Variants in ANKRD11 observed in about 807,000 individuals in gnomAD.
ANKRD11 encodes ankyrin repeat domain-containing protein 11.
In ANKRD11, 17 loss-of-function variants were observed where a neutral mutation model predicts 195.7. The ratio of observed to expected loss-of-function variants is 0.09; its 90% CI spans 0.06 to 0.13. The LOEUF (loss-of-function observed/expected upper bound fraction) is 0.13. Ranked by LOEUF, ANKRD11 falls within the 10% of genes least tolerant of loss-of-function variation. ANKRD11 has a pLI of 1.00. For synonymous variants in ANKRD11, 1,953 were observed against 1,528.1 expected (o/e 1.28, Z -6.49); for missense variants, 3,735 against 3,566.1 (o/e 1.05, Z -1.21).
intron 2 of ANKRD11, among the ~76,000 whole-genome samples, chr16:89,410,020 T>C (rs953488640): frequency 3.9e-5 from 6 of 152,100 alleles, no homozygotes; most frequent in Non-Finnish European, 7.4e-5. Context: ...TTTGTATTTT[T>C]AGTAGAGACG....
chr16:89,375,094 C>T (rs922194385), intron 2 of ANKRD11, among the ~76,000 whole-genome samples: 3 of 152,002 alleles, frequency 2.0e-5, no homozygotes, highest in Non-Finnish European at 2.9e-5. Context: ...ACAAACGTAA[C>T]GTCGCAGGCT....
Position 89,319,372 on chromosome 16 carries a change from G to A in ANKRD11, c.-59-2294C>T, listed in dbSNP as rs540546542. On this transcript the variant is annotated intron_variant, in intron 2 of 12. Transcript: ENST00000301030. ...GGATCTGGGAGTCCACTCAGGAGGT[G>A]GAGGAAGTGGGTCGCACCCACCAGG... 2.0e-4 allele frequency among the ~76,000 whole-genome samples: 30 copies of A among 152,352 alleles called. 1 individual carries two copies. The highest frequency in any genetic ancestry group is 7.0e-4 in the African/African-American group (29 of 41,588).
intron 1 of ANKRD11, among the ~76,000 whole-genome samples, chr16:89,440,982 A>G (rs1211262244): frequency 6.6e-6 from 1 of 152,218 alleles, no homozygotes; most frequent in Non-Finnish European, 1.5e-5. Context: ...TCACGCCTGT[A>G]ATCCCAGCAC....
chr16:89,405,404 G>C (rs1303681200), intron 2 of ANKRD11, among the ~76,000 whole-genome samples: 1 of 151,788 alleles, frequency 6.6e-6, no homozygotes, highest in African/African-American at 2.4e-5. Context: ...GCTCACCGTA[G>C]CCTCGACCTC....
intron 2 of ANKRD11, among the ~76,000 whole-genome samples, chr16:89,407,072 G>C (rs1022240529): frequency 6.6e-6 from 1 of 151,674 alleles, no homozygotes; most frequent in Non-Finnish European, 1.5e-5. Context: ...TGTAACCCCA[G>C]GTACTCGGGA....
In ANKRD11 at chr16:89,281,082, G is replaced by A. The variant is rs776632862; in HGVS notation, c.5460C>T (p.Ser1820=). 41 of 1,609,182 alleles carry A rather than the reference G, an allele frequency of 2.5e-5. No individual in the cohort carries two copies. The African/African-American group carries it at 4.7e-4, about 18-fold the overall frequency. Residue 1820 remains serine (S), a synonymous_variant, in exon 9 of 13, where the codon AGC becomes AGT. Transcript: ENST00000301030. This position sits in a 1 kb window ranked among gnomAD's most constrained non-coding sequence, Gnocchi z 5.5. The part of the protein sequence containing the change: ...FRQQSVPAAS[S]YDSPMPPSME... ...TCGAGGGTGGCATGGGAGAGTCGTA[G>A]CTGGAGGCAGCAGGAACGCTCTGCT...
chr16:89,301,168 G>A (rs868675828), intron 4 of ANKRD11, among the ~76,000 whole-genome samples: 3 of 152,182 alleles, frequency 2.0e-5, no homozygotes, highest in East Asian at 3.9e-4. Flanking sequence ...GGGCAGTGGC[G>A]CAATCACGGC....
intron 2 of ANKRD11, among the ~76,000 whole-genome samples, chr16:89,394,613 A>T (rs1160105283): frequency 1.4e-5 from 2 of 147,530 alleles, no homozygotes; most frequent in Admixed American, 1.4e-4. Context: ...GGGCGACAAA[A>T]GCAAAACTCT....
chr16:89,332,950 C>T (rs538893712), intron 2 of ANKRD11, among the ~76,000 whole-genome samples: 5 of 152,252 alleles, frequency 3.3e-5, no homozygotes, highest in African/African-American at 1.2e-4. Flanking sequence ...CGAGCTGCAA[C>T]AGAACAGCGG....
intron 11 of ANKRD11, chr16:89,272,076 G>A (rs1312192417): frequency 1.3e-5 from 2 of 151,998 alleles, no homozygotes; most frequent in Non-Finnish European, 2.9e-5. Flanking sequence ...TCAAAAAAAC[G>A]GGCAAAAGAT....
chr16:89,388,706 C>A (rs1223931202), intron 2 of ANKRD11, among the ~76,000 whole-genome samples: 1 of 152,154 alleles, frequency 6.6e-6, no homozygotes, highest in Non-Finnish European at 1.5e-5. Flanking sequence ...AGGACGTCAT[C>A]CACACAAAGA....
chr16:89,461,418 G>A (rs895688931), intron 1 of ANKRD11, among the ~76,000 whole-genome samples: 9 of 152,112 alleles, frequency 5.9e-5, no homozygotes, highest in Non-Finnish European at 1.3e-4. Flanking sequence ...TGGTACAAAT[G>A]GTCAATTTTA....
rs114678022 is a variant in ANKRD11 at position 89,414,415 on chromosome 16, G to A, written c.-60+3869C>T. 5.5e-3 allele frequency among the ~76,000 whole-genome samples: 836 copies of A among 152,272 alleles called. 13 individuals carry two copies. Among genetic ancestry groups the A allele is most frequent in the African/African-American group, 0.019 (793 of 41,526 alleles). The stretch of plus-strand genomic sequence containing the variant: ...CTGGGAACCGCGTGCTGGGGTCATC[G>A]GGGGTCACGCAGCCGCACCGCCTGA... On this transcript the variant is annotated intron_variant, in intron 2 of 12. Coordinates refer to ENST00000301030, the MANE Select transcript of ANKRD11 (RefSeq NM_013275.6).
chr16:89,451,485 C>T (rs1383708709), intron 1 of ANKRD11, among the ~76,000 whole-genome samples: 2 of 147,884 alleles, frequency 1.4e-5, no homozygotes, highest in Admixed American at 7.0e-5. Flanking sequence ...GATCTCAGCT[C>T]ACTGCAGACT....
rs147699334 is a variant in ANKRD11, at chr16:89,438,586, G to A, written c.-144-20218C>T. Among the ~76,000 whole-genome samples, 718 of 152,164 alleles carry A rather than the reference G, an allele frequency of 4.7e-3. 5 individuals carry two copies. Among genetic ancestry groups the A allele is most frequent in the African/African-American group, 0.017 (695 of 41,480 alleles). On this transcript the variant is annotated intron_variant, in intron 1 of 12. Transcript: ENST00000301030. Reference sequence around the variant, plus strand: ...GACTTCAGGTGATCCACCCACCTGGGCCTCCCAAAGTGCTGGGATTACAGG... The same window carrying A: ...GACTTCAGGTGATCCACCCACCTGGACCTCCCAAAGTGCTGGGATTACAGG...
rs1216725019 is a variant in ANKRD11 at position 89,321,462 on chromosome 16, G to GGCTGGAGCT, written c.-59-4385_-59-4384insAGCTCCAGC. ...GCAGGGTGTGGGGCGGGAGCTGCGG[G>GGCTGGAGCT]GCGGGGACTGTGGGGCCGGGTGGGG... On this transcript the variant is annotated intron_variant, in intron 2 of 12. Transcript: ENST00000301030. Among the ~76,000 whole-genome samples the GGCTGGAGCT allele has an allele frequency of 6.0e-3, 903 of 150,870 alleles. 8 individuals are homozygous for GGCTGGAGCT. Among genetic ancestry groups the GGCTGGAGCT allele is most frequent in the African/African-American group, 0.021 (843 of 41,008 alleles).
intron 9 of ANKRD11, among the ~76,000 whole-genome samples, chr16:89,276,351 A>G (rs1000003252): frequency 1.3e-5 from 2 of 152,200 alleles, no homozygotes; most frequent in African/African-American, 4.8e-5. Context: ...CGCATGGACA[A>G]TGGGCTGAGA....
chr16:89,379,528 C>T (rs1046434611), intron 2 of ANKRD11, among the ~76,000 whole-genome samples: 3 of 152,170 alleles, frequency 2.0e-5, no homozygotes, highest in Non-Finnish European at 2.9e-5. Flanking sequence ...TGCTCTGTCG[C>T]CCAGACAGAG....
chr16:89,353,868 C>G lies in ANKRD11; in HGVS notation c.-59-36790G>C, dbSNP rs577599528. On this transcript the variant is annotated intron_variant, in intron 2 of 12. Coordinates refer to ENST00000301030, the MANE Select transcript of ANKRD11 (RefSeq NM_013275.6). ...CACATCAGCCCTGAGACACCCGAAACAAGACAGAGCAGCCTCTGCAGCCTC... is the reference window on the plus strand; with the variant it reads ...CACATCAGCCCTGAGACACCCGAAAGAAGACAGAGCAGCCTCTGCAGCCTC... Among the ~76,000 whole-genome samples the G allele has an allele frequency of 4.6e-5, 7 of 152,330 alleles. No individual in the cohort carries two copies. The East Asian group carries it at 7.7e-4, about 17-fold the overall frequency.
Sources: gnomAD v4.1 joint callset for allele counts (sites outside exome capture counted in the v4.1 genomes callset) on GRCh38, gnomAD v4.1.1 for gene constraint, Gnocchi (gnomAD v3.1) non-coding constraint, MANE v1.5 for transcripts, NCBI Gene and HGNC (gene_info 2026-07-23, HGNC 2026-07-21) for gene names.